Variants in SEMA4A observed in about 807,000 individuals in gnomAD.
SEMA4A encodes the protein semaphorin-4A.
A neutral mutation model predicts 72.5 loss-of-function variants in SEMA4A; 52 were observed. That is an observed-to-expected ratio of 0.72 (90% CI 0.57 to 0.90). The LOEUF is 0.90. Ranked by LOEUF, SEMA4A falls within the 40% of genes least tolerant of loss-of-function variation. SEMA4A has a pLI of 0.00. For synonymous variants in SEMA4A, 369 were observed against 393.1 expected (o/e 0.94, Z 0.73); for missense variants, 926 against 959.7 (o/e 0.96, Z 0.46).
chr1:156,158,839 T>C lies in SEMA4A; in HGVS notation c.568+15T>C, dbSNP rs1307193899. ...TGTCTTGGTGGGTGAGTATCAGGTT[T>C]CCCACTTCATCCCAACATCTACTTT... On this transcript the variant is annotated intron_variant, in intron 6 of 14. Coordinates refer to ENST00000368285, the MANE Select transcript of SEMA4A (RefSeq NM_022367.4). 6.4e-6 allele frequency: 10 copies of C among 1,557,690 alleles called. No homozygotes were observed. In the South Asian group the frequency reaches 8.9e-5, roughly 14 times the overall value.
chr1:156,174,739 T>C, intron 11 of SEMA4A, 83 bp from the exon 12 acceptor site: 2 of 1,582,520 alleles, frequency 1.3e-6, no homozygotes, highest in Non-Finnish European at 1.7e-6. Context: ...AGGAGCTTTC[T>C]TACAGCTGGG....
chr1:156,177,663 C>A lies in SEMA4A; in HGVS notation c.*666C>A, dbSNP rs181676637. 51 of 155,474 alleles carry A rather than the reference C, an allele frequency of 3.3e-4. No individual in the cohort carries two copies. Among genetic ancestry groups the A allele is most frequent in the Non-Finnish European group, 5.3e-4 (37 of 69,734 alleles). The allele number at this position is 155,474 out of a possible 1,614,324, so 9.6% of individuals were successfully genotyped here. On this transcript the variant is annotated 3_prime_UTR_variant, in exon 15 of 15. Transcript: ENST00000368285. ...TACCCTAGCTGACCCCTTCACCTCT[C>A]CCCCTCCCTTTTCCTTTGTTTTGGG...
At chr1:156,150,619 T>C (rs915608889), upstream of SEMA4A, among the ~76,000 whole-genome samples, 4 of 151,966 alleles carry the variant, frequency 2.6e-5, no homozygotes, top group African/African-American at 4.8e-5. Context: ...CAGGAGCTGC[T>C]CCTTTAGTGC....
chr1:156,158,414 C>T lies in SEMA4A; in HGVS notation c.390C>T (p.Val130=), dbSNP rs1305884429. ...NETQCFNFIR[V]LVSYNVTHLY... is the part of the protein sequence containing the mutation. ...CACAGTGTTTCAACTTCATCCGTGT[C>T]CTGGTTTCTTACAATGTCACCCATC... Residue 130 remains valine (V), a synonymous_variant, in exon 5 of 15, where the codon GTC becomes GTT. Transcript: ENST00000368285. The T allele has an allele frequency of 1.2e-6, 2 of 1,613,614 alleles. No individual in the cohort carries two copies. The highest frequency in any genetic ancestry group is 1.7e-6 in the Non-Finnish European group (2 of 1,179,862).
intron 10 of SEMA4A, among the ~76,000 whole-genome samples, chr1:156,167,252 G>T (rs1288610432): frequency 1.3e-5 from 2 of 151,772 alleles, no homozygotes; most frequent in African/African-American, 2.4e-5. Flanking sequence ...ACTTTGGGAG[G>T]CTGAGGTGGA....
At chr1:156,173,360 T>C (rs1654988031) in intron 11 of SEMA4A, among the ~76,000 whole-genome samples, 1 of 152,172 alleles carries the variant, frequency 6.6e-6, no homozygotes, top group African/African-American at 2.4e-5. Flanking sequence ...GAAGCTCGTC[T>C]GTGAAGGGAG....
chr1:156,160,294 C>A, intron 6 of SEMA4A, 149 bp from the exon 7 acceptor site: 1 of 700,706 alleles, frequency 1.4e-6, no homozygotes, highest in Non-Finnish European at 2.6e-6. Context: ...GGAGGGGGAG[C>A]TGGCCTTTGA....
chr1:156,175,634 G>A lies in SEMA4A; in HGVS notation c.1671G>A (p.Arg557=). Residue 557 remains arginine, a synonymous_variant, in exon 14 of 15, where the codon CGG becomes CGA. Coordinates refer to ENST00000368285, the MANE Select transcript of SEMA4A (RefSeq NM_022367.4). ...CASGPMSRSL[R]PQSRPQIIKE... Reference sequence around the variant, plus strand: ...GTGGCCCCATGAGCAGGAGCCTTCGGCCTCAGAGCCGCCCGCAAATCAGTG... The same window carrying A: ...GTGGCCCCATGAGCAGGAGCCTTCGACCTCAGAGCCGCCCGCAAATCAGTG... The A allele has an allele frequency of 6.2e-7, 1 of 1,610,078 alleles. No homozygotes were observed. The highest frequency in any genetic ancestry group is 8.5e-7 in the Non-Finnish European group (1 of 1,178,308).
At chr1:156,148,944 A>G (rs1353073293), upstream of SEMA4A, among the ~76,000 whole-genome samples, 1 of 151,724 alleles carries the variant, frequency 6.6e-6, no homozygotes, top group Non-Finnish European at 1.5e-5. Flanking sequence ...CTGGTACTGC[A>G]GGCATGCGCC....
intron 2 of SEMA4A, 71 bp from the exon 3 acceptor site, chr1:156,156,343 A>G: frequency 1.3e-6 from 2 of 1,483,060 alleles, no homozygotes; most frequent in South Asian, 1.1e-5. Context: ...CCCTTCCCCC[A>G]CTTTTATCTC....
At chr1:156,163,279 C>T (rs760786678) in intron 10 of SEMA4A, 185 bp downstream of exon 10, 10 of 653,644 alleles carry the variant, frequency 1.5e-5, no homozygotes, top group East Asian at 5.6e-5. Flanking sequence ...CTTTTATACA[C>T]GGAGCAGTTG....
chr1:156,156,118 C>T (rs1177984427), intron 2 of SEMA4A: 6 of 413,264 alleles, frequency 1.5e-5, no homozygotes, highest in South Asian at 4.1e-5. Context: ...GCGTCCTCCC[C>T]GACGGTAGCC....
intron 10 of SEMA4A, among the ~76,000 whole-genome samples, chr1:156,171,751 A>G (rs556718398): frequency 6.7e-6 from 1 of 148,396 alleles, no homozygotes; most frequent in Non-Finnish European, 1.5e-5. Context: ...TAATTTTTGT[A>G]TTTTTTAATT....
chr1:156,173,064 T>G, intron 11 of SEMA4A, 58 bp downstream of exon 11: 1 of 1,537,218 alleles, frequency 6.5e-7, no homozygotes, highest in Non-Finnish European at 8.9e-7. Context: ...TGCCCCCAGG[T>G]TGAGGAGGGA....
intron 10 of SEMA4A, among the ~76,000 whole-genome samples, chr1:156,171,581 T>A (rs1324663934): frequency 6.6e-6 from 1 of 152,106 alleles, no homozygotes; most frequent in Non-Finnish European, 1.5e-5. Context: ...GGTCCTTTTT[T>A]AAATTTCTTT....
chr1:156,170,726 C>T (rs1467354797), intron 10 of SEMA4A, among the ~76,000 whole-genome samples: 1 of 151,156 alleles, frequency 6.6e-6, no homozygotes, highest in African/African-American at 2.4e-5. Flanking sequence ...TGCACTCCAG[C>T]CTGGGAGACA....
At chr1:156,159,797 G>A (rs899358011) in intron 6 of SEMA4A, among the ~76,000 whole-genome samples, 2 of 151,718 alleles carry the variant, frequency 1.3e-5, no homozygotes, top group African/African-American at 4.9e-5. Context: ...AGCCGGACAA[G>A]CGCCTGTGAT....
At chr1:156,152,126 A>G (rs974912061), upstream of SEMA4A, among the ~76,000 whole-genome samples, 2 of 151,998 alleles carry the variant, frequency 1.3e-5, no homozygotes, top group Admixed American at 6.6e-5. Context: ...TAGCTGTGTA[A>G]CCTCCCTTCT....
upstream of SEMA4A, among the ~76,000 whole-genome samples, chr1:156,150,602 C>T (rs993728311): frequency 2.0e-5 from 3 of 152,044 alleles, no homozygotes; most frequent in African/African-American, 7.2e-5. Context: ...TGCTTCTCTC[C>T]TGGCTCCAGG....
Sources: allele counts gnomAD v4.1 joint callset (sites outside exome capture counted in the v4.1 genomes callset), GRCh38; gene constraint gnomAD v4.1.1; transcripts MANE v1.5; gene names NCBI Gene and HGNC (gene_info 2026-07-23, HGNC 2026-07-21).